FARS2: variants seen among roughly 807,000 people sequenced by gnomAD.
FARS2 encodes phenylalanyl-tRNA synthetase 2, mitochondrial, also known as phenylalanine--tRNA ligase, mitochondrial.
In FARS2, 40 loss-of-function variants were observed where a neutral mutation model predicts 46.4. The ratio of observed to expected loss-of-function variants is 0.86; its 90% CI spans 0.67 to 1.12. The LOEUF (loss-of-function observed/expected upper bound fraction) is 1.12. Ranked by LOEUF, FARS2 falls within the 50% of genes most tolerant of loss-of-function variation. FARS2 has a pLI of 0.00. For synonymous variants in FARS2, 234 were observed against 214.9 expected (o/e 1.09, Z -0.78); for missense variants, 513 against 567.9 (o/e 0.90, Z 0.98).
In FARS2 at chr6:5,296,172, A is replaced by G. The variant is rs544507953; in HGVS notation, c.-22+34512A>G. On this transcript the variant is annotated intron_variant, in intron 1 of 6. Coordinates refer to ENST00000274680, the MANE Select transcript of FARS2 (RefSeq NM_006567.5). ...TTTTTTTTTTTTTGAGACGAAGTCTAGCTCTGTCGCCTGGGCTGGAGTGCA... is the reference window on the plus strand; with the variant it reads ...TTTTTTTTTTTTTGAGACGAAGTCTGGCTCTGTCGCCTGGGCTGGAGTGCA... Among the ~76,000 whole-genome samples the G allele has an allele frequency of 2.1e-3, 206 of 100,484 alleles. 1 individual carries two copies. The highest frequency in any genetic ancestry group is 8.1e-3 in the African/African-American group (199 of 24,640). 65.9% of individuals were successfully genotyped at this position (100,484 alleles called of 152,430 possible). A position where few individuals can be genotyped will look rare whatever the true frequency, so the allele number is the denominator to read the frequency against.
intron 4 of FARS2, among the ~76,000 whole-genome samples, chr6:5,538,622 C>G (rs75973999): frequency 0.019 from 2,939 of 152,230 alleles, 92 homozygotes; most frequent in African/African-American, 0.067. Flanking sequence ...AATCTAAGAT[C>G]AATTTATTTC....
At chr6:5,494,606 A>G (rs774034860) in intron 4 of FARS2, among the ~76,000 whole-genome samples, 37 of 152,198 alleles carry the variant, frequency 2.4e-4, no homozygotes, top group Admixed American at 1.1e-3. Flanking sequence ...GTTCATGCCC[A>G]CTAATTCTCT....
intron 1 of FARS2, among the ~76,000 whole-genome samples, chr6:5,266,344 G>A (rs1462675308): frequency 6.6e-6 from 1 of 152,126 alleles, no homozygotes; most frequent in Non-Finnish European, 1.5e-5. Flanking sequence ...CCCATGACCT[G>A]ATGGAAGAGC....
intron 5 of FARS2, among the ~76,000 whole-genome samples, chr6:5,599,472 C>T (rs115350636): frequency 7.0e-4 from 107 of 152,160 alleles, no homozygotes; most frequent in African/African-American, 2.5e-3. Context: ...AAAAAATGAA[C>T]GTAAAAGATT....
chr6:5,501,242 T>C (rs1248642909), intron 4 of FARS2, among the ~76,000 whole-genome samples: 3 of 152,030 alleles, frequency 2.0e-5, no homozygotes, highest in Non-Finnish European at 4.4e-5. Context: ...ATAAATCTAA[T>C]GAAGAAATAA....
At chr6:5,296,365 T>C (rs570724184) in intron 1 of FARS2, among the ~76,000 whole-genome samples, 1 of 152,128 alleles carries the variant, frequency 6.6e-6, no homozygotes, top group African/African-American at 2.4e-5. Context: ...ATGGTCTCGA[T>C]CTCCTGACCT....
chr6:5,254,898 G>A, the FARS2 span, among the ~76,000 whole-genome samples: 2,233 of 152,176 alleles, frequency 0.015, 46 homozygotes, highest in African/African-American at 0.051. Flanking sequence ...GGTGGGAGGT[G>A]GAGGGGGTAT....
At chr6:5,743,111 A>T (rs1232865006) in intron 6 of FARS2, among the ~76,000 whole-genome samples, 1 of 152,196 alleles carries the variant, frequency 6.6e-6, no homozygotes, top group Non-Finnish European at 1.5e-5. Context: ...AGGTATTTGA[A>T]TTTTGAAAAT....
At chr6:5,586,398 A>C (rs994877106) in intron 5 of FARS2, among the ~76,000 whole-genome samples, 4 of 152,120 alleles carry the variant, frequency 2.6e-5, no homozygotes, top group Non-Finnish European at 5.9e-5. Flanking sequence ...TGTATTTATC[A>C]TGAAAGGGTT....
chr6:5,494,886 C>G (rs753962149), intron 4 of FARS2, among the ~76,000 whole-genome samples: 1 of 152,142 alleles, frequency 6.6e-6, no homozygotes, highest in Non-Finnish European at 1.5e-5. Flanking sequence ...AAAAAGCAAT[C>G]GAAAATAACT....
At chr6:5,399,134 T>A (rs894076325) in intron 2 of FARS2, among the ~76,000 whole-genome samples, 14 of 40,906 alleles carry the variant, frequency 3.4e-4, no homozygotes, top group African/African-American at 2.1e-3. Flanking sequence ...TATTTTATTA[T>A]TATTATTATT....
chr6:5,510,704 T>C (rs1308083536), intron 4 of FARS2, among the ~76,000 whole-genome samples: 1 of 152,236 alleles, frequency 6.6e-6, no homozygotes. Flanking sequence ...GACACAGTGA[T>C]GAGCTTGACC....
In FARS2 at chr6:5,560,761, T is replaced by A. The variant is rs548947547; in HGVS notation, c.1065+15421T>A. On this transcript the variant is annotated intron_variant, in intron 5 of 6. Coordinates refer to ENST00000274680, the MANE Select transcript of FARS2 (RefSeq NM_006567.5). ...TAAATAGTTATTAGGCTATTCACAT[T>A]TTCTGTTTTACTTTGTATCAGTTTT... is the stretch of plus-strand genomic sequence containing the variant. Among the ~76,000 whole-genome samples, 4 of 152,326 alleles carry A rather than the reference T, an allele frequency of 2.6e-5. No homozygotes were observed. In the South Asian group the frequency reaches 8.3e-4, roughly 32 times the overall value.
At chr6:5,618,330 G>A (rs1183157820) in intron 6 of FARS2, among the ~76,000 whole-genome samples, 3 of 152,254 alleles carry the variant, frequency 2.0e-5, no homozygotes, top group Non-Finnish European at 4.4e-5. Context: ...TAGGTGATAG[G>A]AAGTGAATGG....
At chr6:5,634,230 C>CAATTTATAGGACAGATAATTTACAATA (rs1776432039) in intron 6 of FARS2, among the ~76,000 whole-genome samples, 1 of 152,154 alleles carries the variant, frequency 6.6e-6, no homozygotes, top group Non-Finnish European at 1.5e-5. Flanking sequence ...TTTCCTGATA[C>CAATTTATAGGACAGATAATTTACAATA]AATTTATAGG....
At chr6:5,530,368 G>T (rs1034434618) in intron 4 of FARS2, among the ~76,000 whole-genome samples, 2 of 152,108 alleles carry the variant, frequency 1.3e-5, no homozygotes, top group East Asian at 1.9e-4. Flanking sequence ...AGACTAAAGA[G>T]ACATGATATG....
chr6:5,350,887 T>C (rs1369817611), intron 1 of FARS2, among the ~76,000 whole-genome samples: 1 of 152,236 alleles, frequency 6.6e-6, no homozygotes, highest in Non-Finnish European at 1.5e-5. Flanking sequence ...CCTTCAAAGC[T>C]AATTCCTCTG....
chr6:5,419,995 A>C (rs1762454530), intron 3 of FARS2, among the ~76,000 whole-genome samples: 1 of 152,206 alleles, frequency 6.6e-6, no homozygotes, highest in African/African-American at 2.4e-5. Flanking sequence ...TGGAAAGAAA[A>C]ACAGGTTTAA....
intron 3 of FARS2, among the ~76,000 whole-genome samples, chr6:5,413,608 C>T (rs1334840140): frequency 6.6e-6 from 1 of 152,192 alleles, no homozygotes; most frequent in African/African-American, 2.4e-5. Flanking sequence ...AATTGATCAT[C>T]AGCATAAAGT....
Sources: allele counts gnomAD v4.1 joint callset (sites outside exome capture counted in the v4.1 genomes callset), GRCh38; gene constraint gnomAD v4.1.1; transcripts MANE v1.5; gene names NCBI Gene and HGNC (gene_info 2026-07-23, HGNC 2026-07-21).